Variants in CSMD1 observed in about 807,000 individuals in gnomAD.
The protein encoded by CSMD1 is CUB and sushi domain-containing protein 1.
A neutral mutation model predicts 417.5 loss-of-function variants in CSMD1; 213 were observed. The ratio of observed to expected loss-of-function variants is 0.51; its 90% CI spans 0.46 to 0.57. The LOEUF is 0.57. Ranked by LOEUF, CSMD1 falls within the 20% of genes least tolerant of loss-of-function variation. The pLI is 0.00. For missense variants in CSMD1, 6,923 were observed against 4,529.7 expected (o/e 1.53, Z -15.17); for synonymous variants, 2,862 against 1,736.8 (o/e 1.65, Z -16.11).
chr8:3,271,517 A>G (rs1274587021), intron 26 of CSMD1, among the ~76,000 whole-genome samples: 6 of 147,760 alleles, frequency 4.1e-5, no homozygotes, highest in African/African-American at 1.3e-4. Context: ...GACTTCCACA[A>G]TGGTTGAACT....
intron 25 of CSMD1, among the ~76,000 whole-genome samples, chr8:3,291,843 C>A (rs571502212): frequency 1.3e-5 from 2 of 152,124 alleles, no homozygotes; most frequent in East Asian, 3.9e-4. Context: ...CTGCTCCGAT[C>A]TTAGTTATTT....
intron 1 of CSMD1, among the ~76,000 whole-genome samples, chr8:4,701,134 G>C (rs374951114): frequency 3.3e-5 from 5 of 151,894 alleles, no homozygotes; most frequent in African/African-American, 1.2e-4. Flanking sequence ...TCAAAAATTC[G>C]TTTTTTACAC....
intron 3 of CSMD1, among the ~76,000 whole-genome samples, chr8:4,232,383 G>C (rs572772115): frequency 5.9e-5 from 9 of 152,202 alleles, no homozygotes; most frequent in South Asian, 4.2e-4. Context: ...ATTCTTAGTA[G>C]AGACGGGGTT....
At chr8:4,352,211 T>G (rs1563083846) in intron 3 of CSMD1, among the ~76,000 whole-genome samples, 2 of 152,204 alleles carry the variant, frequency 1.3e-5, no homozygotes, top group African/African-American at 4.8e-5. Context: ...AAGCCCCACT[T>G]AGAGCTAATG....
chr8:4,025,048 C>G (rs7813537), intron 4 of CSMD1, among the ~76,000 whole-genome samples: 26,578 of 152,090 alleles, frequency 0.17, 3,186 homozygotes, highest in African/African-American at 0.33. Context: ...GCCGGGACAA[C>G]ATCAGACTAA....
intron 4 of CSMD1, among the ~76,000 whole-genome samples, chr8:4,020,969 G>C (rs544902967): frequency 1.5e-3 from 223 of 152,296 alleles, no homozygotes; most frequent in African/African-American, 5.1e-3. Flanking sequence ...TGATATCTCA[G>C]ACCCATTGCC....
chr8:4,584,784 G>T (rs1268709401), intron 2 of CSMD1, among the ~76,000 whole-genome samples: 1 of 152,026 alleles, frequency 6.6e-6, no homozygotes, highest in Non-Finnish European at 1.5e-5. Context: ...TCCTCTCTGA[G>T]GTTAGGCCCG....
At chr8:3,063,109 T>C (rs895055290) in intron 49 of CSMD1, among the ~76,000 whole-genome samples, 10 of 152,132 alleles carry the variant, frequency 6.6e-5, no homozygotes, top group African/African-American at 1.9e-4. Flanking sequence ...TCTCGTATCA[T>C]AAAAACTTAC....
intron 52 of CSMD1, among the ~76,000 whole-genome samples, chr8:3,008,945 C>T (rs1372931968): frequency 1.3e-5 from 2 of 152,156 alleles, no homozygotes; most frequent in African/African-American, 4.8e-5. Flanking sequence ...GTGAGAGTCT[C>T]CGACAAGTAC....
At chr8:3,287,671 G>T (rs1277730372) in intron 25 of CSMD1, among the ~76,000 whole-genome samples, 5 of 152,164 alleles carry the variant, frequency 3.3e-5, no homozygotes, top group African/African-American at 9.7e-5. Flanking sequence ...AGACTTTGCT[G>T]AAGTTGCCCA....
chr8:4,744,151 TTCCCTATAAAGAGCG>T (rs1810803245), intron 1 of CSMD1, among the ~76,000 whole-genome samples: 1 of 152,168 alleles, frequency 6.6e-6, no homozygotes, highest in African/African-American at 2.4e-5. Flanking sequence ...TTTCTTTGGG[TTCCCTATAAAGAGCG>T]TCGCAGTCCA....
chr8:3,173,494 A>T (rs1820711405), intron 37 of CSMD1, among the ~76,000 whole-genome samples: 2 of 152,210 alleles, frequency 1.3e-5, no homozygotes, highest in Admixed American at 6.5e-5. Flanking sequence ...GTGAAGTTGA[A>T]GGTGGGTCTT....
At chr8:3,547,741 G>C (rs7842454) in intron 10 of CSMD1, among the ~76,000 whole-genome samples, 6,935 of 152,200 alleles carry the variant, frequency 0.046, 421 homozygotes, top group African/African-American at 0.14. Flanking sequence ...TTTGGCTTGA[G>C]CTAGTTATCT....
intron 3 of CSMD1, among the ~76,000 whole-genome samples, chr8:4,247,904 C>T (rs773170818): frequency 5.3e-5 from 8 of 151,982 alleles, no homozygotes; most frequent in Non-Finnish European, 1.0e-4. Flanking sequence ...AAATTTTCAC[C>T]CAGATATTAA....
intron 10 of CSMD1, among the ~76,000 whole-genome samples, chr8:3,499,366 G>A (rs1796498466): frequency 6.6e-6 from 1 of 152,034 alleles, no homozygotes; most frequent in South Asian, 2.1e-4. Context: ...CCTTGTTTTG[G>A]GGATATAGAA....
chr8:3,452,034 C>G (rs1422418830), intron 12 of CSMD1, among the ~76,000 whole-genome samples: 1 of 152,148 alleles, frequency 6.6e-6, no homozygotes, highest in Non-Finnish European at 1.5e-5. Flanking sequence ...TCCTTCACAT[C>G]CCTTGTAAGT....
At chr8:3,877,760 G>A (rs1386526021) in intron 5 of CSMD1, among the ~76,000 whole-genome samples, 1 of 152,162 alleles carries the variant, frequency 6.6e-6, no homozygotes, top group Non-Finnish European at 1.5e-5. Flanking sequence ...ACTTTGATAT[G>A]TAAATCTAGC....
chr8:4,943,474 G>A (rs144418714), intron 1 of CSMD1, among the ~76,000 whole-genome samples: 2,608 of 150,212 alleles, frequency 0.017, 114 homozygotes, highest in East Asian at 0.15. Context: ...CCAGCTTGGG[G>A]GACAGAGTGA....
intron 5 of CSMD1, among the ~76,000 whole-genome samples, chr8:3,938,756 G>C (rs1311684508): frequency 6.6e-6 from 1 of 152,130 alleles, no homozygotes; most frequent in Non-Finnish European, 1.5e-5. Context: ...TCTATGTCAA[G>C]TGCCTTTGTT....
Sources: allele counts gnomAD v4.1 joint callset (sites outside exome capture counted in the v4.1 genomes callset), GRCh38; gene constraint gnomAD v4.1.1; transcripts MANE v1.5; gene names NCBI Gene and HGNC (gene_info 2026-07-23, HGNC 2026-07-21).